Variants in BCHE observed in about 807,000 individuals in gnomAD.
BCHE encodes the protein cholinesterase.
Under a neutral mutation model 51.3 loss-of-function variants are expected in BCHE, and 48 were observed. That is an observed-to-expected ratio of 0.94 (90% CI 0.74 to 1.19). BCHE has a LOEUF of 1.19. BCHE is among the 50% of genes most tolerant of loss of function. The pLI is 0.00. For missense variants in BCHE, 847 were observed against 708.2 expected (o/e 1.20, Z -2.23); for synonymous variants, 251 against 238.0 (o/e 1.05, Z -0.50).
intron 3 of BCHE, among the ~76,000 whole-genome samples, chr3:165,783,869 T>G (rs1164870787): frequency 6.6e-6 from 1 of 152,076 alleles, no homozygotes; most frequent in East Asian, 1.9e-4. Context: ...TGAATTTTAT[T>G]TCTTGCAGGT....
At chr3:165,835,622 T>G (rs1715162255) in intron 1 of BCHE, among the ~76,000 whole-genome samples, 1 of 151,870 alleles carries the variant, frequency 6.6e-6, no homozygotes, top group South Asian at 2.1e-4. Flanking sequence ...TGTTGCAGAC[T>G]AAGTGAAGTG....
intron 2 of BCHE, among the ~76,000 whole-genome samples, chr3:165,806,430 G>A (rs947110073): frequency 1.3e-5 from 2 of 152,088 alleles, no homozygotes; most frequent in Non-Finnish European, 2.9e-5. Flanking sequence ...CTCATTATGT[G>A]GTTTGGTAAA....
At chr3:165,779,988 A>G (rs922792537) in intron 3 of BCHE, among the ~76,000 whole-genome samples, 3 of 152,242 alleles carry the variant, frequency 2.0e-5, no homozygotes, top group Non-Finnish European at 4.4e-5. Flanking sequence ...AGCTGTAGGT[A>G]TCATGCTACC....
intron 1 of BCHE, among the ~76,000 whole-genome samples, chr3:165,834,752 G>A (rs1364706522): frequency 6.6e-6 from 1 of 151,500 alleles, no homozygotes; most frequent in Non-Finnish European, 1.5e-5. Context: ...TTAATGATTA[G>A]GATATTCAAC....
At chr3:165,818,978 T>C (rs1488115878) in intron 2 of BCHE, among the ~76,000 whole-genome samples, 1 of 152,080 alleles carries the variant, frequency 6.6e-6, no homozygotes. Context: ...TCATGCTATG[T>C]TGGAAATTCA....
chr3:165,793,902 C>T (rs1005679418), intron 2 of BCHE, among the ~76,000 whole-genome samples: 13 of 152,002 alleles, frequency 8.6e-5, no homozygotes, highest in Admixed American at 2.0e-4. Context: ...AAAAAAATAG[C>T]GGGGCGTGGT....
At chr3:165,814,931 CTT>C (rs951139558) in intron 2 of BCHE, among the ~76,000 whole-genome samples, 23 of 148,516 alleles carry the variant, frequency 1.5e-4, no homozygotes, top group African/African-American at 5.1e-4. Flanking sequence ...TAATTTTTAA[CTT>C]ATACTAATAT....
chr3:165,790,352 C>T (rs1323028540), intron 2 of BCHE, among the ~76,000 whole-genome samples: 9 of 152,118 alleles, frequency 5.9e-5, no homozygotes. Context: ...AATAGATGTC[C>T]TGAAGATAAT....
At chr3:165,822,335 C>A (rs1363957813) in intron 2 of BCHE, among the ~76,000 whole-genome samples, 1 of 151,880 alleles carries the variant, frequency 6.6e-6, no homozygotes, top group East Asian at 1.9e-4. Flanking sequence ...GGAAATTAAA[C>A]AATTGTACTT....
intron 2 of BCHE, among the ~76,000 whole-genome samples, chr3:165,793,312 C>A (rs1022196566): frequency 6.6e-6 from 1 of 152,208 alleles, no homozygotes; most frequent in African/African-American, 2.4e-5. Context: ...CAAAGCATAG[C>A]TCCTTGTCCT....
Position 165,786,452 on chromosome 3 carries a change from G to T in BCHE, c.1518-141C>A, listed in dbSNP as rs1316297580. ...TGGATATATATTGATGATATGAAAC[G>T]TATGTGAACTGGGCTTAGTGGTTTG... is the stretch of plus-strand genomic sequence containing the variant. On this transcript the variant is annotated intron_variant, in intron 2 of 3. Transcript: ENST00000264381. 5 of 748,328 alleles carry T rather than the reference G, an allele frequency of 6.7e-6. No individual in the cohort carries two copies. In the Admixed American group the frequency reaches 1.4e-4, roughly 21 times the overall value. The allele number at this position is 748,328 out of a possible 1,614,324, so 46.4% of individuals were successfully genotyped here. A position where few individuals can be genotyped will look rare whatever the true frequency, so the allele number is the denominator to read the frequency against.
intron 2 of BCHE, chr3:165,827,865 G>A: frequency 1.9e-5 from 6 of 315,816 alleles, no homozygotes; most frequent in South Asian, 1.5e-4. Context: ...ATATTTTACA[G>A]CTACGGGTAA....
At chr3:165,808,812 C>A (rs1713970752) in intron 2 of BCHE, among the ~76,000 whole-genome samples, 2 of 152,032 alleles carry the variant, frequency 1.3e-5, no homozygotes, top group Admixed American at 1.3e-4. Flanking sequence ...TTATTTCTGA[C>A]AACCAAAAAG....
At chr3:165,798,349 T>C (rs1363929005) in intron 2 of BCHE, among the ~76,000 whole-genome samples, 4 of 152,078 alleles carry the variant, frequency 2.6e-5, no homozygotes, top group African/African-American at 4.8e-5. Context: ...TTGAGGTTGT[T>C]TGAGACCTGT....
chr3:165,800,415 T>A (rs1713591342), intron 2 of BCHE, among the ~76,000 whole-genome samples: 1 of 152,116 alleles, frequency 6.6e-6, no homozygotes, highest in Non-Finnish European at 1.5e-5. Context: ...GGGCTATTTT[T>A]ATTTTTTTTC....
In BCHE at chr3:165,815,260, A is replaced by T. The variant is rs145044804; in HGVS notation, c.1517+14257T>A. Reference sequence around the variant, plus strand: ...ACTTTGATTTTAGAAAAAAAAAAAAAAATAAGGGCAAAGGAGATTGAATTC... The same window carrying T: ...ACTTTGATTTTAGAAAAAAAAAAAATAATAAGGGCAAAGGAGATTGAATTC... On this transcript the variant is annotated intron_variant, in intron 2 of 3. Coordinates refer to ENST00000264381, the MANE Select transcript of BCHE (RefSeq NM_000055.4). Among the ~76,000 whole-genome samples, 318 of 151,516 alleles carry T rather than the reference A, an allele frequency of 2.1e-3. 2 individuals are homozygous for T. The highest frequency in any genetic ancestry group is 7.2e-3 in the African/African-American group (297 of 41,376).
rs557386156 is a variant in BCHE, at chr3:165,790,505, C to A, written c.1518-4194G>T. On this transcript the variant is annotated intron_variant, in intron 2 of 3. Coordinates refer to ENST00000264381, the MANE Select transcript of BCHE (RefSeq NM_000055.4). ...TGTAATTACAGGGCTTTTCTGAGTT[C>A]TATGAATAGCTCTTCTGAGTTATAA... Among the ~76,000 whole-genome samples, 9 of 152,266 alleles carry A rather than the reference C, an allele frequency of 5.9e-5. No homozygotes were observed. The South Asian group carries it at 1.9e-3, about 32-fold the overall frequency.
At chr3:165,798,193 C>A (rs1404104341) in intron 2 of BCHE, among the ~76,000 whole-genome samples, 5 of 152,060 alleles carry the variant, frequency 3.3e-5, no homozygotes, top group African/African-American at 9.7e-5. Flanking sequence ...TAGAAAGAAC[C>A]TTTAAAGTGA....
intron 3 of BCHE, among the ~76,000 whole-genome samples, chr3:165,781,583 G>C (rs1211406038): frequency 1.3e-5 from 2 of 150,790 alleles, no homozygotes; most frequent in Non-Finnish European, 3.0e-5. Flanking sequence ...ACACACTGGG[G>C]CCAGTCGGGG....
Sources: gnomAD v4.1 joint callset for allele counts (sites outside exome capture counted in the v4.1 genomes callset) on GRCh38, gnomAD v4.1.1 for gene constraint, MANE v1.5 for transcripts, NCBI Gene and HGNC (gene_info 2026-07-23, HGNC 2026-07-21) for gene names.